LRP1B: variants seen among roughly 807,000 people sequenced by gnomAD.
The protein encoded by LRP1B is LDL receptor related protein 1B.
A neutral mutation model predicts 556.6 loss-of-function variants in LRP1B; 217 were observed. The observed-to-expected ratio is 0.39, with a 90% CI of 0.35 to 0.44. The LOEUF (loss-of-function observed/expected upper bound fraction) is 0.44, where lower values mean the gene tolerates loss of function less well. Ranked by LOEUF, LRP1B falls within the 20% of genes least tolerant of loss-of-function variation. The pLI is 1.00. For missense variants in LRP1B, 5,053 were observed against 5,620.8 expected (o/e 0.90, Z 3.23); for synonymous variants, 2,047 against 1,865.8 (o/e 1.10, Z -2.50).
chr2:141,414,081 C>T (rs1379858101), intron 3 of LRP1B, among the ~76,000 whole-genome samples: 1 of 151,404 alleles, frequency 6.6e-6, no homozygotes, highest in Non-Finnish European at 1.5e-5. Context: ...ACTAAAAATA[C>T]AAAAAATTAG....
At chr2:141,791,130 C>G (rs1214824955) in intron 2 of LRP1B, among the ~76,000 whole-genome samples, 1 of 151,838 alleles carries the variant, frequency 6.6e-6, no homozygotes, top group Non-Finnish European at 1.5e-5. Flanking sequence ...AATTCTGAAG[C>G]ATTTTGGCTA....
At chr2:140,947,996 T>C (rs1055984284) in intron 20 of LRP1B, among the ~76,000 whole-genome samples, 2 of 152,186 alleles carry the variant, frequency 1.3e-5, no homozygotes, top group African/African-American at 2.4e-5. Context: ...TAGCCACTGC[T>C]TCTACAATAG....
intron 1 of LRP1B, among the ~76,000 whole-genome samples, chr2:141,961,501 G>C (rs111856113): frequency 6.6e-6 from 1 of 151,696 alleles, no homozygotes; most frequent in African/African-American, 2.4e-5. Flanking sequence ...CACCTTTGAC[G>C]TATTTAATTG....
chr2:140,353,730 T>A (rs1682079690), intron 75 of LRP1B, among the ~76,000 whole-genome samples: 1 of 152,116 alleles, frequency 6.6e-6, no homozygotes, highest in Non-Finnish European at 1.5e-5. Flanking sequence ...ATTTCAGGAA[T>A]GTGGTTACAT....
intron 49 of LRP1B, among the ~76,000 whole-genome samples, chr2:140,522,465 C>G (rs879219758): frequency 5.3e-5 from 8 of 151,354 alleles, no homozygotes; most frequent in African/African-American, 1.9e-4. Flanking sequence ...ATGTCCACAT[C>G]AAAAAGATAG....
chr2:141,127,978 T>C (rs1028020356), intron 7 of LRP1B, among the ~76,000 whole-genome samples: 5 of 152,216 alleles, frequency 3.3e-5, no homozygotes, highest in African/African-American at 1.2e-4. Context: ...AGAAATCATT[T>C]GAAATTTTTA....
chr2:140,899,068 T>G (rs1490598172), intron 23 of LRP1B: 1 of 291,588 alleles, frequency 3.4e-6, no homozygotes, highest in Admixed American at 4.2e-5. Context: ...TAAAATAAAC[T>G]TCAATAAGTA....
intron 1 of LRP1B, among the ~76,000 whole-genome samples, chr2:141,863,215 G>A (rs1243802426): frequency 6.6e-6 from 1 of 152,142 alleles, no homozygotes; most frequent in Non-Finnish European, 1.5e-5. Context: ...ACTCCACTGT[G>A]TTCATTTATT....
chr2:140,298,102 T>C (rs1368657206), intron 83 of LRP1B, 133 bp from the exon 84 acceptor site: 3 of 695,898 alleles, frequency 4.3e-6, no homozygotes, highest in East Asian at 5.9e-5. Context: ...TCTGTGACTT[T>C]AGGCAGTAAC....
intron 43 of LRP1B, among the ~76,000 whole-genome samples, chr2:140,591,052 A>C (rs1163954328): frequency 6.6e-6 from 1 of 152,196 alleles, no homozygotes. Flanking sequence ...ATCATTTTTA[A>C]ATAAATTAGA....
At chr2:142,051,724 C>T (rs930234994) in intron 1 of LRP1B, among the ~76,000 whole-genome samples, 1 of 152,080 alleles carries the variant, frequency 6.6e-6, no homozygotes, top group Non-Finnish European at 1.5e-5. Flanking sequence ...ATCCATCCCC[C>T]TCGGCCTCCC....
chr2:140,953,448 G>A (rs1214008757), intron 18 of LRP1B, among the ~76,000 whole-genome samples: 3 of 152,086 alleles, frequency 2.0e-5, no homozygotes, highest in African/African-American at 7.2e-5. Context: ...ACTAATATTT[G>A]TTTTTCCATT....
intron 3 of LRP1B, among the ~76,000 whole-genome samples, chr2:141,464,584 G>GTATATATATA (rs1236041290): frequency 1.7e-4 from 15 of 88,390 alleles, no homozygotes; most frequent in African/African-American, 3.2e-4. Flanking sequence ...GGCTAATTTT[G>GTATATATATA]TATATATATA....
At chr2:140,264,284 A>C (rs981780794) in intron 86 of LRP1B, among the ~76,000 whole-genome samples, 1 of 152,040 alleles carries the variant, frequency 6.6e-6, no homozygotes, top group African/African-American at 2.4e-5. Flanking sequence ...GCTGGAGTGC[A>C]ATGGCGCAGT....
intron 17 of LRP1B, among the ~76,000 whole-genome samples, chr2:140,987,628 A>G (rs928889714): frequency 6.6e-6 from 1 of 152,128 alleles, no homozygotes; most frequent in Non-Finnish European, 1.5e-5. Flanking sequence ...TAAGGTGAAA[A>G]CAGATGATGT....
At chr2:141,916,737 G>C (rs1700046377) in intron 1 of LRP1B, among the ~76,000 whole-genome samples, 1 of 152,010 alleles carries the variant, frequency 6.6e-6, no homozygotes, top group East Asian at 1.9e-4. Flanking sequence ...TAGACATAAA[G>C]ATGGCAACGA....
chr2:141,007,062 A>AT (rs2105376126), intron 14 of LRP1B, among the ~76,000 whole-genome samples: 1 of 152,024 alleles, frequency 6.6e-6, no homozygotes, highest in Admixed American at 6.6e-5. Flanking sequence ...AATAAATAAC[A>AT]TTTTTTATAT....
chr2:141,115,625 TTGTGTGTG>T (rs70991139), intron 7 of LRP1B, among the ~76,000 whole-genome samples: 3 of 91,494 alleles, frequency 3.3e-5, no homozygotes, highest in Non-Finnish European at 6.9e-5. Flanking sequence ...CCCGGCTAAT[TTGTGTGTG>T]TGTGTGTGTG....
At chr2:141,129,488 G>C (rs1321414671) in intron 7 of LRP1B, among the ~76,000 whole-genome samples, 1 of 150,644 alleles carries the variant, frequency 6.6e-6, no homozygotes, top group Non-Finnish European at 1.5e-5. Context: ...CAGAGTAGGA[G>C]CAATCCATTA....
Sources: gnomAD v4.1 joint callset for allele counts (sites outside exome capture counted in the v4.1 genomes callset) on GRCh38, gnomAD v4.1.1 for gene constraint, MANE v1.5 for transcripts, NCBI Gene and HGNC (gene_info 2026-07-23, HGNC 2026-07-21) for gene names.